The following CHFR variants were observed in gnomAD, a reference collection of about 807,000 sequenced individuals.
The protein encoded by CHFR is E3 ubiquitin-protein ligase CHFR.
CHFR carries 57 observed loss-of-function variants against 87.6 expected under a neutral mutation model. The ratio of observed to expected loss-of-function variants is 0.65; its 90% confidence interval spans 0.53 to 0.81. CHFR has a LOEUF of 0.81. CHFR is among the 30% of genes least tolerant of loss of function. The pLI is 0.00. For synonymous variants in CHFR, 381 were observed against 359.2 expected, an observed-to-expected ratio of 1.06 and a Z score of -0.69; for missense variants, 797 against 865.8, an observed-to-expected ratio of 0.92 and a Z score of 1.00.
intron 12 of CHFR, among the ~76,000 whole-genome samples, chr12:132,850,393 T>C (rs527434303): frequency 2.6e-5 from 4 of 152,252 alleles, no homozygotes; most frequent in Non-Finnish European, 5.9e-5. Flanking sequence ...GTGAAGAGTT[T>C]GGATTCCTGG....
At chr12:132,866,178 GCACT>G (rs1361988407) in intron 6 of CHFR, 1 of 152,198 alleles carries the variant, frequency 6.6e-6, no homozygotes, top group Non-Finnish European at 1.5e-5. Context: ...AAACTACATA[GCACT>G]CACTCTCCAC....
At chr12:132,887,160 C>G in intron 2 of CHFR, 36 bp downstream of exon 2, 1 of 1,445,082 alleles carries the variant, frequency 6.9e-7, no homozygotes, top group South Asian at 1.4e-5. Flanking sequence ...TGGCTCTGCC[C>G]GGCCCCGGCC....
rs747568800 is a variant in CHFR at position 132,859,064 on chromosome 12, G to A, written c.911+4C>T. ...CCGTGAGCCAAGGGTGAACACGGTCGCACCTCACGCAGTCGTGCAGCAGGT... is the reference window on the plus strand; with the variant it reads ...CCGTGAGCCAAGGGTGAACACGGTCACACCTCACGCAGTCGTGCAGCAGGT... On this transcript the variant is annotated splice_donor_region_variant and intron_variant, in intron 8 of 17. Coordinates refer to ENST00000450056, the MANE Select transcript of CHFR (RefSeq NM_001161346.2). The A allele has an allele frequency of 5.0e-6, 8 of 1,611,310 alleles. No homozygotes were observed. The highest frequency in any genetic ancestry group is 1.6e-4 in the Middle Eastern group (1 of 6,080).
chr12:132,887,203 C>G lies in CHFR; in HGVS notation c.126G>C (p.Arg42=). Residue 42 remains arginine, a synonymous_variant, in exon 2 of 18, where the codon CGG becomes CGC. Coordinates refer to ENST00000450056, the MANE Select transcript of CHFR (RefSeq NM_001161346.2). ...LLRKREWTIG[R]RRGCDLSFPS... is the part of the protein sequence containing the mutation. Reference sequence around the variant, plus strand: ...CCGGCCTCAGCCCCGCACCTCGTCTCCGCCCGATGGTCCACTCCCGCTTCC... The same window carrying G: ...CCGGCCTCAGCCCCGCACCTCGTCTGCGCCCGATGGTCCACTCCCGCTTCC... 1.3e-6 allele frequency: 2 copies of G among 1,497,672 alleles called. No individual in the cohort carries two copies. Among genetic ancestry groups the G allele is most frequent in the Non-Finnish European group, 1.8e-6 (2 of 1,130,402 alleles). 92.8% of individuals were successfully genotyped at this position (1,497,672 alleles called of 1,614,324 possible).
At chr12:132,877,027 T>G (rs1593523692) in intron 3 of CHFR, among the ~76,000 whole-genome samples, 1 of 152,174 alleles carries the variant, frequency 6.6e-6, no homozygotes, top group Admixed American at 6.5e-5. Context: ...GCTCCTGACC[T>G]CAGGTGATCC....
chr12:132,884,443 A>AT (rs1566208994), intron 2 of CHFR, among the ~76,000 whole-genome samples: 16 of 151,486 alleles, frequency 1.1e-4, no homozygotes, highest in African/African-American at 3.9e-4. Context: ...TATATATATA[A>AT]AATAAATAAA....
At chr12:132,852,273 C>T (rs1180216387) in intron 11 of CHFR, among the ~76,000 whole-genome samples, 1 of 152,006 alleles carries the variant, frequency 6.6e-6, no homozygotes, top group Non-Finnish European at 1.5e-5. Context: ...CAGGCATGAG[C>T]CACCGTGCCC....
chr12:132,860,495 G>C (rs915935849), intron 7 of CHFR, among the ~76,000 whole-genome samples: 2 of 151,994 alleles, frequency 1.3e-5, no homozygotes, highest in Admixed American at 1.3e-4. Flanking sequence ...TCCCCACACC[G>C]ATCAACCCCA....
intron 3 of CHFR, among the ~76,000 whole-genome samples, chr12:132,873,959 G>A (rs538384274): frequency 4.6e-4 from 70 of 152,288 alleles, no homozygotes; most frequent in African/African-American, 1.7e-3. Flanking sequence ...CGACCACACA[G>A]CCCTGCTTAT....
intron 12 of CHFR, 118 bp downstream of exon 12, chr12:132,851,500 G>C: frequency 8.2e-7 from 1 of 1,225,400 alleles, no homozygotes; most frequent in South Asian, 1.7e-5. Flanking sequence ...TCACACTGAT[G>C]GAAAAAAAGA....
At position 132,861,486 on chromosome 12, in the gene CHFR, C is replaced by T. The variant is rs764279540; in HGVS notation, c.732G>A (p.Val244=). The T allele has an allele frequency of 6.7e-5, 108 of 1,614,076 alleles. No individual in the cohort carries two copies. The highest frequency in any genetic ancestry group is 8.6e-5 in the Non-Finnish European group (102 of 1,180,022). ...EPQDQEDLEP[V]KKKMRGDGDL... Reference sequence around the variant, plus strand: ...ACTAACCTCCTCTCATTTTCTTCTTCACGGGCTCCAAATCCTCCTGATCCT... The same window carrying T: ...ACTAACCTCCTCTCATTTTCTTCTTTACGGGCTCCAAATCCTCCTGATCCT... Residue 244 remains valine (V), a synonymous_variant, in exon 7 of 18, where the codon GTG becomes GTA. Transcript: ENST00000450056.
At chr12:132,843,787 A>G (rs765947992) in intron 16 of CHFR, among the ~76,000 whole-genome samples, 15 of 152,082 alleles carry the variant, frequency 9.9e-5, no homozygotes, top group Non-Finnish European at 2.1e-4. Context: ...CGTCTCTACT[A>G]AAACACAAAA....
intron 15 of CHFR, among the ~76,000 whole-genome samples, chr12:132,846,207 TCCCCTA>T (rs1465513157): frequency 1.4e-5 from 2 of 147,730 alleles, no homozygotes; most frequent in Non-Finnish European, 3.0e-5. Context: ...ACACCCACCC[TCCCCTA>T]CAAGGATAGA....
intron 2 of CHFR, among the ~76,000 whole-genome samples, chr12:132,880,833 C>T (rs1490585972): frequency 2.6e-5 from 4 of 151,458 alleles, no homozygotes; most frequent in Non-Finnish European, 5.9e-5. Flanking sequence ...GGCATGGTGG[C>T]GGGCGCCTAT....
intron 3 of CHFR, among the ~76,000 whole-genome samples, chr12:132,874,551 A>ATG (rs1334352697): frequency 2.3e-5 from 3 of 129,720 alleles, no homozygotes; most frequent in African/African-American, 2.9e-5. Context: ...AGGCCCCGGA[A>ATG]CAGGCGGGAC....
intron 6 of CHFR, among the ~76,000 whole-genome samples, chr12:132,868,317 C>T (rs113157158): frequency 3.3e-5 from 5 of 152,082 alleles, no homozygotes; most frequent in South Asian, 2.1e-4. Context: ...GGTGAAACTC[C>T]GTCTCTACTA....
chr12:132,853,671 C>T (rs1376142517), intron 10 of CHFR, 98 bp from the exon 11 acceptor site: 22 of 1,354,600 alleles, frequency 1.6e-5, no homozygotes, highest in South Asian at 1.2e-4. Flanking sequence ...TCAGCTCCAC[C>T]GTCGCTCAGC....
At chr12:132,859,318 T>C in intron 7 of CHFR, 91 bp from the exon 8 acceptor site, 2 of 1,232,064 alleles carry the variant, frequency 1.6e-6, no homozygotes, top group Non-Finnish European at 2.3e-6. Flanking sequence ...GAAAGGGATG[T>C]GTTCTAACTG....
intron 17 of CHFR, among the ~76,000 whole-genome samples, chr12:132,842,656 G>A (rs1210325277): frequency 6.6e-6 from 1 of 152,242 alleles, no homozygotes; most frequent in East Asian, 1.9e-4. Flanking sequence ...ACAAATGCCT[G>A]CTCACGGGAC....
Sources: gnomAD v4.1 joint callset for allele counts (sites outside exome capture counted in the v4.1 genomes callset) on GRCh38, gnomAD v4.1.1 for gene constraint, MANE v1.5 for transcripts, NCBI Gene and HGNC (gene_info 2026-07-23, HGNC 2026-07-21) for gene names.